The following MID1 variants were observed in gnomAD, a reference collection of about 807,000 sequenced individuals.
The protein encoded by MID1 is midline 1.
MID1 carries 7 observed loss-of-function variants against 40.4 expected under a neutral mutation model. The ratio of observed to expected loss-of-function variants is 0.17; its 90% CI spans 0.10 to 0.33. The LOEUF is 0.33. Among genes scored for constraint, MID1 ranks in the 10% least tolerant of loss-of-function variants. MID1 has a pLI of 1.00. For synonymous variants in MID1, 229 were observed against 221.2 expected (o/e 1.04, Z -0.31); for missense variants, 367 against 558.5 (o/e 0.66, Z 3.46).
chrX:10,782,316 C>T (rs1263412588), intron 1 of MID1, among the ~76,000 whole-genome samples: 2 of 111,905 alleles, frequency 1.8e-5, no homozygotes, highest in Admixed American at 9.5e-5. Flanking sequence ...CCCTTAGTTC[C>T]TCCTGCCTGG....
intron 1 of MID1, among the ~76,000 whole-genome samples, chrX:10,606,406 C>G (rs966264567): frequency 1.8e-5 from 2 of 110,301 alleles, no homozygotes; most frequent in African/African-American, 6.6e-5. Context: ...ATTATTGTTG[C>G]CATGTAGACA....
intron 7 of MID1, 129 bp from the exon 8 acceptor site, chrX:10,459,936 T>G: frequency 2.6e-6 from 2 of 765,959 alleles, no homozygotes. Context: ...TTGGTAGTCA[T>G]GTACGAAAAA....
chrX:10,641,750 T>A (rs981648567), intron 1 of MID1, among the ~76,000 whole-genome samples: 3 of 111,810 alleles, frequency 2.7e-5, no homozygotes, highest in Admixed American at 9.5e-5. Flanking sequence ...TGATGAACAT[T>A]GATGCAAAAA....
intron 1 of MID1, among the ~76,000 whole-genome samples, chrX:10,724,945 C>T (rs927173968): frequency 8.9e-6 from 1 of 111,849 alleles, no homozygotes; most frequent in African/African-American, 3.3e-5. Context: ...TCTCTGCAAA[C>T]CTCGTTCAAG....
chrX:10,643,360 G>T (rs927097768), intron 1 of MID1, among the ~76,000 whole-genome samples: 2 of 111,812 alleles, frequency 1.8e-5, no homozygotes, highest in African/African-American at 6.6e-5. Flanking sequence ...CAAAGGATAT[G>T]AACAGACACT....
At chrX:10,681,025 C>A (rs1359547162) in intron 1 of MID1, among the ~76,000 whole-genome samples, 1 of 82,602 alleles carries the variant, frequency 1.2e-5, no homozygotes, top group Non-Finnish European at 2.3e-5. Context: ...GACCCTGTCT[C>A]AATAATAATA....
chrX:10,767,615 G>A (rs763670541), intron 1 of MID1, among the ~76,000 whole-genome samples: 45 of 111,847 alleles, frequency 4.0e-4, no homozygotes, highest in South Asian at 1.9e-3. Context: ...CACTGCGCCT[G>A]GCCTTGATTT....
chrX:10,476,036 T>C (rs1425774909), intron 5 of MID1, among the ~76,000 whole-genome samples: 1 of 111,157 alleles, frequency 9.0e-6, no homozygotes, highest in African/African-American at 3.3e-5. Context: ...TATTCAGCCA[T>C]AAAAAGGGAT....
chrX:10,464,519 C>T lies in MID1; in HGVS notation c.1286-4712G>A, dbSNP rs140950754. Among the ~76,000 whole-genome samples, 678 of 111,891 alleles carry T rather than the reference C, an allele frequency of 6.1e-3. 3 individuals are homozygous for T. The highest frequency in any genetic ancestry group is 0.023 in the Middle Eastern group (5 of 217). ...TCTCACTCTGGGCTCACCCAGGGGA[C>T]GTCTTTGACAAACCTCATGTTAGCT... On this transcript the variant is annotated intron_variant, in intron 7 of 9. Coordinates refer to ENST00000317552, the MANE Select transcript of MID1 (RefSeq NM_000381.4).
At chrX:10,624,779 A>C (rs2147551170), upstream of MID1, among the ~76,000 whole-genome samples, 1 of 110,625 alleles carries the variant, frequency 9.0e-6, no homozygotes, top group African/African-American at 3.3e-5. Flanking sequence ...CCTGGCTAAT[A>C]TTTTTTACTA....
In MID1 at chrX:10,735,163, C is replaced by T. The variant is rs1008955358; in HGVS notation, c.-187+98391G>A. Among the ~76,000 whole-genome samples the T allele has an allele frequency of 1.6e-3, 180 of 112,151 alleles. 1 individual carries two copies. The highest frequency in any genetic ancestry group is 1.2e-3 in the Non-Finnish European group (64 of 53,222). ...TGTTGCCCAGGCTGGAGTGCAATGG[C>T]GCAATCTCGGCTCACTGCAACCTCC... On this transcript the variant is annotated intron_variant, in intron 1 of 10. Coordinates refer to the MID1 transcript ENST00000380785.
intron 4 of MID1, among the ~76,000 whole-genome samples, chrX:10,492,118 T>A (rs990773399): frequency 9.0e-6 from 1 of 111,678 alleles, no homozygotes; most frequent in Non-Finnish European, 1.9e-5. Context: ...GTGGCTTCAC[T>A]TTTTTTGCTC....
chrX:10,676,191 C>T (rs2043022251), intron 1 of MID1, among the ~76,000 whole-genome samples: 1 of 112,468 alleles, frequency 8.9e-6, no homozygotes, highest in Non-Finnish European at 1.9e-5. Context: ...CTTTAAAGAT[C>T]CGAGTATCTG....
intron 3 of MID1, chrX:10,506,362 A>G (rs1931834579): frequency 9.0e-7 from 1 of 1,115,136 alleles, no homozygotes; most frequent in Non-Finnish European, 1.2e-6. Context: ...AAACACCAGT[A>G]CTGGGTAGGA....
intron 2 of MID1, among the ~76,000 whole-genome samples, chrX:10,528,175 G>A: frequency 9.1e-6 from 1 of 110,016 alleles, no homozygotes; most frequent in Non-Finnish European, 1.9e-5. Flanking sequence ...CCTAATGTGA[G>A]CCACAAATGT....
intron 1 of MID1, among the ~76,000 whole-genome samples, chrX:10,685,593 G>A (rs1479413287): frequency 9.0e-6 from 1 of 111,366 alleles, no homozygotes; most frequent in Non-Finnish European, 1.9e-5. Flanking sequence ...AGGCCAAGAA[G>A]AATCTAGACA....
rs760887126 is a variant in MID1 at position 10,457,015 on chromosome X, G to GAGAT, written c.1448-1942_1448-1939dup. Among the ~76,000 whole-genome samples the GAGAT allele has an allele frequency of 2.3e-3, 256 of 111,947 alleles. 1 individual carries two copies. Among genetic ancestry groups the GAGAT allele is most frequent in the African/African-American group, 7.3e-3 (225 of 30,806 alleles). Reference sequence around the variant, plus strand: ...GGAATGATCATGCTAGCAACTATCAGAGATAAACTATGAACTAAGACAAGA... The same window carrying GAGAT: ...GGAATGATCATGCTAGCAACTATCAGAGATAGATAAACTATGAACTAAGACAAGA... On this transcript the variant is annotated intron_variant, in intron 8 of 9. Transcript: ENST00000317552.
At chrX:10,604,770 C>T (rs952222585) in intron 1 of MID1, among the ~76,000 whole-genome samples, 1 of 112,111 alleles carries the variant, frequency 8.9e-6, no homozygotes, top group Non-Finnish European at 1.9e-5. Flanking sequence ...TCCCAAATAA[C>T]CAAGGTTACA....
At chrX:10,501,805 A>G (rs757923740) in intron 3 of MID1, among the ~76,000 whole-genome samples, 2 of 111,915 alleles carry the variant, frequency 1.8e-5, no homozygotes, top group Non-Finnish European at 3.8e-5. Flanking sequence ...ATGATGACAT[A>G]AATGGATTAG....
Sources: allele counts gnomAD v4.1 joint callset (sites outside exome capture counted in the v4.1 genomes callset), GRCh38; gene constraint gnomAD v4.1.1; transcripts MANE v1.5; gene names NCBI Gene and HGNC (gene_info 2026-07-23, HGNC 2026-07-21).